Variants in MMAA observed in about 807,000 individuals in gnomAD.
The protein encoded by MMAA is methylmalonic aciduria type A protein, mitochondrial.
Under a neutral mutation model 45.0 loss-of-function variants are expected in MMAA, and 41 were observed. The ratio of observed to expected loss-of-function variants is 0.91; its 90% CI spans 0.71 to 1.18. The LOEUF is 1.18. Among genes scored for constraint, MMAA ranks in the 50% most tolerant of loss-of-function variants. The pLI is 0.00. For missense variants in MMAA, 460 were observed against 495.7 expected (o/e 0.93, Z 0.68); for synonymous variants, 154 against 178.2 (o/e 0.86, Z 1.08).
At chr4:145,640,141 C>G (rs1460476901) in intron 2 of MMAA, among the ~76,000 whole-genome samples, 2 of 151,962 alleles carry the variant, frequency 1.3e-5, no homozygotes, top group Admixed American at 6.5e-5. Context: ...CAGTCTTGCT[C>G]TGTCGCCCAG....
Position 145,657,512 on chromosome 4 carries a change from G to T in MMAA, c.*2078G>T, listed in dbSNP as rs1342037713. 1 of 151,958 alleles carries T rather than the reference G, an allele frequency of 6.6e-6. No homozygotes were observed. Among genetic ancestry groups the T allele is most frequent in the East Asian group, 1.9e-4 (1 of 5,186 alleles). 9.4% of individuals were successfully genotyped at this position (151,958 alleles called of 1,614,324 possible). A position where few individuals can be genotyped will look rare whatever the true frequency, so the allele number is the denominator to read the frequency against. Reference sequence around the variant, plus strand: ...CAGATCTCAGCTCTATCACTAACTAGCTATATGATATTTGGCAAGTTTTTT... The same window carrying T: ...CAGATCTCAGCTCTATCACTAACTATCTATATGATATTTGGCAAGTTTTTT... On this transcript the variant is annotated 3_prime_UTR_variant, in exon 7 of 7. Transcript: ENST00000649156.
At chr4:145,639,014 T>C in intron 1 of MMAA, 61 bp from the exon 2 acceptor site, 1 of 872,024 alleles carries the variant, frequency 1.1e-6, no homozygotes, top group Non-Finnish European at 1.9e-6. Flanking sequence ...GCTTTCAAAT[T>C]TTACTACTTC....
rs2126622871 is a variant in MMAA at position 145,646,102 on chromosome 4, G to C, written c.679G>C (p.Ala227Pro). 6.2e-7 allele frequency: 1 copy of C among 1,614,074 alleles called. No homozygotes were observed. The highest frequency in any genetic ancestry group is 8.5e-7 in the Non-Finnish European group (1 of 1,179,964). ...LGGVTRTTNE[A>P]ILLCEGAGYD... ...AGGCGTGACAAGGACCACAAATGAAGCTATTCTGTTGTGTGAAGGAGCGGG... is the reference window on the plus strand; with the variant it reads ...AGGCGTGACAAGGACCACAAATGAACCTATTCTGTTGTGTGAAGGAGCGGG... The change falls in exon 4 of 7, where the codon GCT becomes CCT. Residue 227 changes from alanine to proline, a missense_variant. Physicochemically the swap from Ala to Pro is conservative, Grantham distance 27. Coordinates refer to ENST00000649156, the MANE Select transcript of MMAA (RefSeq NM_172250.3).
intron 1 of MMAA, chr4:145,624,929 C>T: frequency 7.5e-7 from 1 of 1,338,526 alleles, no homozygotes; most frequent in Non-Finnish European, 1.1e-6. Flanking sequence ...ACTTAGATTG[C>T]CCACGTTTTC....
At chr4:145,645,772 CA>C (rs1252231968) in intron 3 of MMAA, among the ~76,000 whole-genome samples, 2 of 152,104 alleles carry the variant, frequency 1.3e-5, no homozygotes, top group African/African-American at 2.4e-5. Flanking sequence ...AACCTTTGGT[CA>C]GGGGGAAGCT....
Position 145,659,623 on chromosome 4 carries a change from C to G in MMAA, c.*4189C>G, listed in dbSNP as rs1728332462. 6.6e-6 allele frequency: 1 copy of G among 152,132 alleles called. No individual in the cohort carries two copies. Among genetic ancestry groups the G allele is most frequent in the Non-Finnish European group, 1.5e-5 (1 of 68,024 alleles). The allele number at this position is 152,132 out of a possible 1,614,324, so 9.4% of individuals were successfully genotyped here. On this transcript the variant is annotated 3_prime_UTR_variant, in exon 7 of 7. Transcript: ENST00000649156. ...AGCTCGTAACATCCACCTGGCCAATCTTAAGATGTGGATAGAGTTCTTTTT... is the reference window on the plus strand; with the variant it reads ...AGCTCGTAACATCCACCTGGCCAATGTTAAGATGTGGATAGAGTTCTTTTT...
chr4:145,651,880 A>G (rs1728100073), intron 5 of MMAA, among the ~76,000 whole-genome samples: 1 of 152,198 alleles, frequency 6.6e-6, no homozygotes, highest in African/African-American at 2.4e-5. Context: ...CACAACCTAG[A>G]TGCCTAGCAT....
At chr4:145,641,833 A>G (rs1279790257) in intron 2 of MMAA, among the ~76,000 whole-genome samples, 1 of 152,204 alleles carries the variant, frequency 6.6e-6, no homozygotes, top group Non-Finnish European at 1.5e-5. Context: ...TTTTCTTAAC[A>G]TAAATTATTT....
intron 4 of MMAA, 127 bp downstream of exon 4, chr4:145,646,283 A>C: frequency 9.6e-7 from 1 of 1,040,372 alleles, no homozygotes; most frequent in South Asian, 1.4e-5. Context: ...AAGATATCCC[A>C]TACTCCCTAG....
At chr4:145,635,271 G>T (rs1727581279) in intron 1 of MMAA, among the ~76,000 whole-genome samples, 1 of 152,186 alleles carries the variant, frequency 6.6e-6, no homozygotes, top group Non-Finnish European at 1.5e-5. Flanking sequence ...GAACAGCCAG[G>T]CCTCTCTGGC....
chr4:145,625,588 T>G lies in MMAA; in HGVS notation c.-66+6181T>G, dbSNP rs114614770. The G allele has an allele frequency of 6.7e-4, 526 of 780,698 alleles. 3 individuals carry two copies. The African/African-American group carries it at 7.8e-3, about 12-fold the overall frequency. 48.4% of individuals were successfully genotyped at this position (780,698 alleles called of 1,614,324 possible). On this transcript the variant is annotated intron_variant, in intron 1 of 6. Transcript: ENST00000649156. ...TTGAGAGACCTAAATATGGTGATGG[T>G]CTGGCACAGAGCAGTTGTGTCAGCT...
rs761331762 is a variant in MMAA, at chr4:145,651,130, G to A, written c.802G>A (p.Gly268Arg). 1.9e-6 allele frequency: 3 copies of A among 1,614,036 alleles called. No individual in the cohort carries two copies. The highest frequency in any genetic ancestry group is 2.5e-6 in the Non-Finnish European group (3 of 1,179,906). The change falls in exon 5 of 7, where the codon GGA becomes AGA. Residue 268 changes from glycine to arginine, a missense_variant. By Grantham distance (125) the Gly-to-Arg change is moderately radical. Coordinates refer to ENST00000649156, the MANE Select transcript of MMAA (RefSeq NM_172250.3). ...GTTTGTTTTACTACTGCCACCAGCA[G>A]GAGGAGATGAGCTGCAGGTAATTAT... ...DMFVLLLPPA[G>R]GDELQGIKRG... is the part of the protein sequence containing the mutation.
At chr4:145,649,756 T>C (rs768309411) in intron 4 of MMAA, among the ~76,000 whole-genome samples, 1 of 148,538 alleles carries the variant, frequency 6.7e-6, no homozygotes, top group Non-Finnish European at 1.5e-5. Context: ...AGGGAGAGAG[T>C]TTCCAGAGTT....
At chr4:145,654,180 T>C in intron 6 of MMAA, 37 bp downstream of exon 6, 1 of 1,612,886 alleles carries the variant, frequency 6.2e-7, no homozygotes, top group Admixed American at 1.7e-5. Flanking sequence ...TCACTCTGAA[T>C]GGATTGTGTA....
intron 4 of MMAA, 188 bp from the exon 5 acceptor site, chr4:145,650,874 G>C (rs773992416): frequency 6.2e-5 from 39 of 627,634 alleles, no homozygotes; most frequent in Non-Finnish European, 1.1e-4. Flanking sequence ...GAAGGATAAC[G>C]GGTTTGCTTA....
chr4:145,638,059 C>G (rs181199303), intron 1 of MMAA, among the ~76,000 whole-genome samples: 2 of 152,228 alleles, frequency 1.3e-5, no homozygotes, highest in Admixed American at 1.3e-4. Flanking sequence ...TAGAGAATAT[C>G]AGTATATCAT....
At chr4:145,635,523 A>G (rs1727587363) in intron 1 of MMAA, among the ~76,000 whole-genome samples, 2 of 152,100 alleles carry the variant, frequency 1.3e-5, no homozygotes, top group Non-Finnish European at 2.9e-5. Context: ...CAAAGTTAAA[A>G]CCAGGTAGAA....
At chr4:145,625,185 T>G in intron 1 of MMAA, 1 of 1,427,588 alleles carries the variant, frequency 7.0e-7, no homozygotes, top group Non-Finnish European at 9.8e-7. Flanking sequence ...GAGAAAGAAC[T>G]AGTAGTGGAA....
chr4:145,650,480 T>G (rs1455473763), intron 4 of MMAA: 1 of 159,974 alleles, frequency 6.3e-6, no homozygotes, highest in Non-Finnish European at 1.4e-5. Context: ...ACAGTGAATG[T>G]TCATAATAGC....
Sources: allele counts gnomAD v4.1 joint callset (sites outside exome capture counted in the v4.1 genomes callset), GRCh38; gene constraint gnomAD v4.1.1; transcripts MANE v1.5; gene names NCBI Gene and HGNC (gene_info 2026-07-23, HGNC 2026-07-21).